TRAM2: variants seen among roughly 807,000 people sequenced by gnomAD.
TRAM2 encodes the protein translocation associated membrane protein 2.
Under a neutral mutation model 51.0 loss-of-function variants are expected in TRAM2, and 12 were observed. The observed-to-expected ratio is 0.24, with a 90% CI of 0.15 to 0.38. The LOEUF is 0.38. Among genes scored for constraint, TRAM2 ranks in the 10% least tolerant of loss-of-function variants. TRAM2 has a pLI of 1.00. For missense variants in TRAM2, 361 were observed against 462.0 expected, an observed-to-expected ratio of 0.78 and a Z score of 2.00; for synonymous variants, 175 against 179.4, an observed-to-expected ratio of 0.98 and a Z score of 0.20.
chr6:52,525,633 C>T lies in TRAM2; in HGVS notation c.185-8896G>A, dbSNP rs146878005. 4.1e-3 allele frequency among the ~76,000 whole-genome samples: 625 copies of T among 152,278 alleles called. 11 individuals are homozygous for T. The South Asian group carries it at 0.063, about 15-fold the overall frequency. ...GACCAGCCTGGCCAACACAGTGAAACCCCATCTCTACTAAAAATACAAAAA... is the reference window on the plus strand; with the variant it reads ...GACCAGCCTGGCCAACACAGTGAAATCCCATCTCTACTAAAAATACAAAAA... On this transcript the variant is annotated intron_variant, in intron 2 of 10. Transcript: ENST00000182527.
chr6:52,507,057 ATAT>A (rs1766362954), intron 7 of TRAM2, among the ~76,000 whole-genome samples: 1 of 152,248 alleles, frequency 6.6e-6, no homozygotes, highest in African/African-American at 2.4e-5. Flanking sequence ...TCGAGAACTA[ATAT>A]TATAGCAATT....
chr6:52,512,056 C>G (rs187877411), intron 4 of TRAM2, among the ~76,000 whole-genome samples: 1 of 152,304 alleles, frequency 6.6e-6, no homozygotes. Flanking sequence ...CATCAGCTCT[C>G]CTGCCCCAGG....
intron 2 of TRAM2, among the ~76,000 whole-genome samples, chr6:52,528,156 T>G (rs575561585): frequency 6.6e-6 from 1 of 152,284 alleles, no homozygotes; most frequent in East Asian, 1.9e-4. Flanking sequence ...ACCCTGGTGC[T>G]GTACAGGTGT....
chr6:52,516,975 T>C (rs758304440), intron 2 of TRAM2: 1 of 515,838 alleles, frequency 1.9e-6, no homozygotes, highest in Non-Finnish European at 3.5e-6. Flanking sequence ...GTCATAACAG[T>C]ATCTCCTGAG....
chr6:52,576,726 G>GC, intron 1 of TRAM2, 70 bp downstream of exon 1: 2 of 1,567,990 alleles, frequency 1.3e-6, no homozygotes, highest in Middle Eastern at 1.7e-4. Flanking sequence ...CCGCTGACCT[G>GC]CAGGGGTGTG....
intron 2 of TRAM2, chr6:52,517,381 T>C (rs968383772): frequency 6.6e-6 from 1 of 152,460 alleles, no homozygotes; most frequent in Middle Eastern, 3.4e-3. Context: ...TTAAGTGCTA[T>C]ATATGCACTT....
At chr6:52,539,960 T>C (rs1328327895) in intron 1 of TRAM2, among the ~76,000 whole-genome samples, 2 of 152,104 alleles carry the variant, frequency 1.3e-5, no homozygotes, top group Admixed American at 1.3e-4. Context: ...ATGCTTAACA[T>C]GTTTTCTGAA....
At chr6:52,503,871 C>T (rs1317836270) in intron 10 of TRAM2, among the ~76,000 whole-genome samples, 3 of 152,202 alleles carry the variant, frequency 2.0e-5, no homozygotes, top group African/African-American at 7.2e-5. Flanking sequence ...CCCATACCTC[C>T]CCCGCCAGCC....
intron 7 of TRAM2, 94 bp from the exon 8 acceptor site, chr6:52,506,230 G>T: frequency 8.8e-7 from 1 of 1,134,542 alleles, no homozygotes; most frequent in Non-Finnish European, 1.3e-6. Flanking sequence ...CCTGTGCCTG[G>T]CTGGGCTCTG....
chr6:52,518,558 A>C (rs1766599436), intron 2 of TRAM2, among the ~76,000 whole-genome samples: 1 of 152,210 alleles, frequency 6.6e-6, no homozygotes, highest in African/African-American at 2.4e-5. Flanking sequence ...CCAGGTAAGA[A>C]GCCACAGGGC....
intron 2 of TRAM2, among the ~76,000 whole-genome samples, chr6:52,534,577 C>T (rs1766947749): frequency 6.6e-6 from 1 of 152,168 alleles, no homozygotes; most frequent in African/African-American, 2.4e-5. Flanking sequence ...ACTCAGCCTT[C>T]AGATGTGTTG....
intron 6 of TRAM2, 140 bp from the exon 7 acceptor site, chr6:52,507,763 C>T: frequency 2.8e-6 from 2 of 718,560 alleles, no homozygotes; most frequent in Non-Finnish European, 2.3e-6. Context: ...CCACGAGTCC[C>T]ACAGTCCCAC....
At chr6:52,526,148 GACAGACACACACAC>G (rs59477767) in intron 2 of TRAM2, among the ~76,000 whole-genome samples, 23,827 of 146,402 alleles carry the variant, frequency 0.16, 2,069 homozygotes, top group Non-Finnish European at 0.18. Context: ...AATACACACA[GACAGACACACACAC>G]ACACACACAC....
rs1562477468 is a variant in TRAM2 at position 52,516,125 on chromosome 6, A to G, written c.295-3T>C. The G allele has an allele frequency of 6.2e-7, 1 of 1,612,828 alleles. No homozygotes were observed. Among genetic ancestry groups the G allele is most frequent in the South Asian group, 1.1e-5 (1 of 91,020 alleles). ...AGATGAAGCCGTTTGCTGATTTTCT[A>G]AAGAATAAAGAAAACCCCTCATATT... is the stretch of plus-strand genomic sequence containing the variant. On this transcript the variant is annotated splice_region_variant and splice_polypyrimidine_tract_variant and intron_variant, in intron 3 of 10. Coordinates refer to ENST00000182527, the MANE Select transcript of TRAM2 (RefSeq NM_012288.4).
intron 1 of TRAM2, among the ~76,000 whole-genome samples, chr6:52,562,703 TC>T: frequency 6.6e-6 from 1 of 152,208 alleles, no homozygotes; most frequent in South Asian, 2.1e-4. Context: ...ATGTTATCCC[TC>T]CCTTAGCCCC....
rs74745352 is a variant in TRAM2 at position 52,526,799 on chromosome 6, T to G, written c.184+8984A>C. Among the ~76,000 whole-genome samples the G allele has an allele frequency of 9.1e-3, 1,387 of 152,276 alleles. 24 individuals are homozygous for G. The highest frequency in any genetic ancestry group is 0.031 in the African/African-American group (1,305 of 41,548). ...TAGGTGCCAGGCACATACTACAGAC[T>G]CCACTGTACTTCAAAGTTCTGTGGC... On this transcript the variant is annotated intron_variant, in intron 2 of 10. Transcript: ENST00000182527.
At chr6:52,572,187 G>A (rs897692302) in intron 1 of TRAM2, among the ~76,000 whole-genome samples, 1 of 152,102 alleles carries the variant, frequency 6.6e-6, no homozygotes, top group Non-Finnish European at 1.5e-5. Context: ...GACCCTCCTT[G>A]GTTTCCTCTG....
chr6:52,535,886 C>T, intron 1 of TRAM2, 40 bp from the exon 2 acceptor site: 2 of 1,580,514 alleles, frequency 1.3e-6, no homozygotes, highest in Non-Finnish European at 8.7e-7. Flanking sequence ...TAGCTTTTGG[C>T]CACATCAAAA....
chr6:52,516,237 TG>T, intron 3 of TRAM2, 115 bp from the exon 4 acceptor site: 1 of 977,100 alleles, frequency 1.0e-6, no homozygotes, highest in Non-Finnish European at 1.6e-6. Context: ...AGTTTGCAGC[TG>T]GCCATAATCC....
Sources: allele counts gnomAD v4.1 joint callset (sites outside exome capture counted in the v4.1 genomes callset), GRCh38; gene constraint gnomAD v4.1.1; transcripts MANE v1.5; gene names NCBI Gene and HGNC (gene_info 2026-07-23, HGNC 2026-07-21).